TC2N: variants seen among roughly 807,000 people sequenced by gnomAD.
The protein encoded by TC2N is tandem C2 domains nuclear protein.
A neutral mutation model predicts 61.9 loss-of-function variants in TC2N; 51 were observed. That is an observed-to-expected ratio of 0.82 (90% CI 0.66 to 1.04). TC2N has a LOEUF of 1.04. Among genes scored for constraint, TC2N ranks in the 50% least tolerant of loss-of-function variants. TC2N has a pLI of 0.00. For missense variants in TC2N, 556 were observed against 566.7 expected (o/e 0.98, Z 0.19); for synonymous variants, 204 against 192.6 (o/e 1.06, Z -0.49).
chr14:91,856,272 T>A (rs1167080475), intron 1 of TC2N, among the ~76,000 whole-genome samples: 2 of 152,124 alleles, frequency 1.3e-5, no homozygotes, highest in African/African-American at 4.8e-5. Flanking sequence ...GCGAATCACT[T>A]GAGGTCAGGA....
In TC2N at chr14:91,792,515, TG is replaced by T; in HGVS notation, c.898del (p.Gln300LysfsTer6). 1 of 1,598,340 alleles carries T rather than the reference TG, an allele frequency of 6.3e-7. No individual in the cohort carries two copies. The highest frequency in any genetic ancestry group is 8.5e-7 in the Non-Finnish European group (1 of 1,170,310). ...METFVFAIKL[Q>X]NLQTVRLVFK... ...TACAAGTCTTACAGTTTGTAGATTTTGAAGTTTAATAGCAAATACAAACGTT... is the reference window on the plus strand; with the variant it reads ...TACAAGTCTTACAGTTTGTAGATTTTAAGTTTAATAGCAAATACAAACGTT... On this transcript the variant is annotated frameshift_variant, in exon 9 of 12. Coordinates refer to ENST00000435962, the MANE Select transcript of TC2N (RefSeq NM_001128596.3). LOFTEE classifies it high-confidence loss of function.
rs140699798 is a variant in TC2N, at chr14:91,856,353, G to C, written c.-57+10909C>G. On this transcript the variant is annotated intron_variant, in intron 1 of 11. Transcript: ENST00000435962. The stretch of plus-strand genomic sequence containing the variant: ...AAAAATACAGAAAGGGCATGGTGGT[G>C]CACACCTGTAGTCCCAGCTACTCGG... Among the ~76,000 whole-genome samples the C allele has an allele frequency of 2.0e-5, 3 of 152,226 alleles. No homozygotes were observed. In the East Asian group the frequency reaches 5.8e-4, roughly 29 times the overall value.
At chr14:91,793,128 A>G (rs559874150) in intron 8 of TC2N, among the ~76,000 whole-genome samples, 1 of 152,318 alleles carries the variant, frequency 6.6e-6, no homozygotes, top group Admixed American at 6.5e-5. Context: ...GAAAATATGA[A>G]TTTAAAATTA....
At chr14:91,848,738 C>A (rs1434285718) in intron 1 of TC2N, among the ~76,000 whole-genome samples, 1 of 152,176 alleles carries the variant, frequency 6.6e-6, no homozygotes, top group African/African-American at 2.4e-5. Context: ...AGATTAATAA[C>A]CTCTTGAGCT....
intron 3 of TC2N, among the ~76,000 whole-genome samples, chr14:91,802,744 T>TGC (rs563970717): frequency 8.6e-5 from 13 of 150,374 alleles, no homozygotes; most frequent in African/African-American, 3.2e-4. Flanking sequence ...ATTACAAGAT[T>TGC]GGGGGGGGAG....
intron 8 of TC2N, among the ~76,000 whole-genome samples, chr14:91,794,644 A>C (rs1885815288): frequency 6.6e-6 from 1 of 152,070 alleles, no homozygotes; most frequent in African/African-American, 2.4e-5. Context: ...TCTACTATTG[A>C]GATCTACTGC....
intron 8 of TC2N, among the ~76,000 whole-genome samples, chr14:91,795,782 G>A (rs1341711902): frequency 6.6e-6 from 1 of 151,976 alleles, no homozygotes; most frequent in Non-Finnish European, 1.5e-5. Context: ...CCTATACTGT[G>A]CCCAAACTGT....
At position 91,813,993 on chromosome 14, in the gene TC2N, T is replaced by C. The variant is rs550206925; in HGVS notation, c.-56-168A>G. Among the ~76,000 whole-genome samples, 18 of 151,782 alleles carry C rather than the reference T, an allele frequency of 1.2e-4. No individual in the cohort carries two copies. In the East Asian group the frequency reaches 3.5e-3, roughly 29 times the overall value. On this transcript the variant is annotated intron_variant, in intron 1 of 11. Transcript: ENST00000435962. ...ACCATATGAAATTCTGTATAACTTA[T>C]TTGTAAGTTATTAAAATTATGTTTA...
chr14:91,823,026 T>G (rs935258743), intron 1 of TC2N, among the ~76,000 whole-genome samples: 1 of 152,086 alleles, frequency 6.6e-6, no homozygotes, highest in African/African-American at 2.4e-5. Flanking sequence ...ATACTCATTA[T>G]CTTGACTGTG....
chr14:91,866,111 AAGAGGGG>A (rs1321382601), intron 1 of TC2N, among the ~76,000 whole-genome samples: 2 of 152,138 alleles, frequency 1.3e-5, no homozygotes, highest in Non-Finnish European at 2.9e-5. Flanking sequence ...TTCATCTGGC[AAGAGGGG>A]AGTAGAGGAG....
intron 1 of TC2N, among the ~76,000 whole-genome samples, chr14:91,840,458 T>C (rs1348046075): frequency 6.6e-6 from 1 of 152,250 alleles, no homozygotes; most frequent in Non-Finnish European, 1.5e-5. Flanking sequence ...AAAATCTTTA[T>C]GGATACATAG....
chr14:91,808,397 C>T (rs1309600967), intron 3 of TC2N, among the ~76,000 whole-genome samples: 4 of 152,154 alleles, frequency 2.6e-5, no homozygotes, highest in African/African-American at 9.7e-5. Flanking sequence ...AGCTTAACAA[C>T]AACATTTCTC....
At chr14:91,859,198 C>G (rs1477796582) in intron 1 of TC2N, among the ~76,000 whole-genome samples, 1 of 152,112 alleles carries the variant, frequency 6.6e-6, no homozygotes, top group Non-Finnish European at 1.5e-5. Context: ...ATACCTTCAC[C>G]CAAATGTGGC....
rs74380246 is a variant in TC2N, at chr14:91,828,500, C to A, written c.-56-14675G>T. Among the ~76,000 whole-genome samples, 596 of 151,978 alleles carry A rather than the reference C, an allele frequency of 3.9e-3. 5 individuals carry two copies. Among genetic ancestry groups the A allele is most frequent in the African/African-American group, 0.014 (564 of 41,538 alleles). ...ATTATATATCTCTTTTTTAATGCAACTACAGTACCATCACACTTTCAGAAA... is the reference window on the plus strand; with the variant it reads ...ATTATATATCTCTTTTTTAATGCAAATACAGTACCATCACACTTTCAGAAA... On this transcript the variant is annotated intron_variant, in intron 1 of 11. Coordinates refer to ENST00000435962, the MANE Select transcript of TC2N (RefSeq NM_001128596.3).
intron 1 of TC2N, among the ~76,000 whole-genome samples, chr14:91,846,213 C>T (rs1356284524): frequency 6.6e-6 from 1 of 152,136 alleles, no homozygotes; most frequent in Non-Finnish European, 1.5e-5. Context: ...TCCAACTGCC[C>T]TCTACTTATT....
intron 3 of TC2N, among the ~76,000 whole-genome samples, chr14:91,811,209 T>C (rs947177010): frequency 8.5e-5 from 13 of 152,066 alleles, no homozygotes; most frequent in African/African-American, 2.4e-4. Flanking sequence ...TATTGGTGTC[T>C]TCAATTTACT....
intron 3 of TC2N, among the ~76,000 whole-genome samples, chr14:91,810,203 A>G (rs1156543052): frequency 6.6e-6 from 1 of 152,178 alleles, no homozygotes; most frequent in Non-Finnish European, 1.5e-5. Flanking sequence ...ACTCAGAGCT[A>G]GAACTCACTT....
intron 1 of TC2N, among the ~76,000 whole-genome samples, chr14:91,842,150 G>A (rs1453269366): frequency 1.3e-5 from 2 of 151,848 alleles, no homozygotes; most frequent in African/African-American, 4.8e-5. Flanking sequence ...GTAGAGACAG[G>A]TTTTTACCAT....
chr14:91,793,168 C>A (rs1274364978), intron 8 of TC2N, among the ~76,000 whole-genome samples: 1 of 152,198 alleles, frequency 6.6e-6, no homozygotes. Flanking sequence ...CCATCTCAGT[C>A]AGCAAGTCAC....
Sources: gnomAD v4.1 joint callset for allele counts (sites outside exome capture counted in the v4.1 genomes callset) on GRCh38, gnomAD v4.1.1 for gene constraint, MANE v1.5 for transcripts, NCBI Gene and HGNC (gene_info 2026-07-23, HGNC 2026-07-21) for gene names.